Variants in CPNE5 observed in about 807,000 individuals in gnomAD.
The protein encoded by CPNE5 is copine-5.
In CPNE5, 42 loss-of-function variants were observed where a neutral mutation model predicts 81.1. The observed-to-expected ratio is 0.52, with a 90% CI of 0.40 to 0.67. The LOEUF is 0.67. Ranked by LOEUF, CPNE5 falls within the 30% of genes least tolerant of loss-of-function variation. The pLI is 0.00. For synonymous variants in CPNE5, 313 were observed against 321.5 expected, an observed-to-expected ratio of 0.97 and a Z score of 0.28; for missense variants, 612 against 815.5, an observed-to-expected ratio of 0.75 and a Z score of 3.04.
chr6:36,809,135 A>G (rs1421108666), intron 3 of CPNE5, among the ~76,000 whole-genome samples: 1 of 152,024 alleles, frequency 6.6e-6, no homozygotes, highest in African/African-American at 2.4e-5. Flanking sequence ...TCAGGTCATA[A>G]TGTGAGTGTC....
At chr6:36,772,630 G>T (rs1264456971) in intron 10 of CPNE5, among the ~76,000 whole-genome samples, 1 of 152,216 alleles carries the variant, frequency 6.6e-6, no homozygotes, top group Non-Finnish European at 1.5e-5. Context: ...GGCACTCAGT[G>T]ACCACCTGTG....
chr6:36,787,891 G>A (rs9380602), intron 8 of CPNE5, among the ~76,000 whole-genome samples: 39,057 of 151,904 alleles, frequency 0.26, 7,249 homozygotes, highest in African/African-American at 0.5. Context: ...TGGTAAAGAC[G>A]TACTATCCTG....
intron 1 of CPNE5, among the ~76,000 whole-genome samples, chr6:36,830,623 C>G (rs148902665): frequency 2.0e-5 from 3 of 152,128 alleles, no homozygotes; most frequent in African/African-American, 7.2e-5. Flanking sequence ...AATAATTGTC[C>G]CTCTCACACT....
intron 3 of CPNE5, among the ~76,000 whole-genome samples, chr6:36,815,972 C>T (rs1771513899): frequency 6.6e-6 from 1 of 152,198 alleles, no homozygotes; most frequent in Non-Finnish European, 1.5e-5. Context: ...GATCTCCATA[C>T]CCACTTTTCA....
Position 36,753,101 on chromosome 6 carries a change from A to T in CPNE5, c.910-6T>A. ...GCAAAGGAAAGCAGGGTGACCTTCA[A>T]AACAAAAGGGAGCTTGGTCAGTGGG... On this transcript the variant is annotated splice_region_variant and splice_polypyrimidine_tract_variant and intron_variant, in intron 13 of 20. Transcript: ENST00000244751. The T allele has an allele frequency of 6.2e-7, 1 of 1,612,272 alleles. No homozygotes were observed. Among genetic ancestry groups the T allele is most frequent in the Non-Finnish European group, 8.5e-7 (1 of 1,178,610 alleles).
At chr6:36,799,080 C>T (rs566232041) in intron 4 of CPNE5, among the ~76,000 whole-genome samples, 14 of 152,266 alleles carry the variant, frequency 9.2e-5, no homozygotes, top group Non-Finnish European at 1.6e-4. Flanking sequence ...GGCCTGCTCA[C>T]CGGGGGCCTG....
At position 36,803,745 on chromosome 6, in the gene CPNE5, G is replaced by A. The variant is rs920896540; in HGVS notation, c.184-3675C>T. ...GGCTTTGATAATAAATATTTGTCACGCTAATTTTAAACTTGTATGGCAGTC... is the reference window on the plus strand; with the variant it reads ...GGCTTTGATAATAAATATTTGTCACACTAATTTTAAACTTGTATGGCAGTC... On this transcript the variant is annotated intron_variant, in intron 3 of 20. Transcript: ENST00000244751. 3.3e-5 allele frequency among the ~76,000 whole-genome samples: 5 copies of A among 152,076 alleles called. No individual in the cohort carries two copies. The East Asian group carries it at 7.7e-4, about 23-fold the overall frequency.
At chr6:36,759,598 A>T (rs530988917) in intron 12 of CPNE5, among the ~76,000 whole-genome samples, 29 of 152,130 alleles carry the variant, frequency 1.9e-4, no homozygotes, top group African/African-American at 6.8e-4. Context: ...AACAGAAAAT[A>T]GCCAGAAGGA....
At chr6:36,779,807 T>C (rs1386479277) in intron 8 of CPNE5, among the ~76,000 whole-genome samples, 3 of 152,202 alleles carry the variant, frequency 2.0e-5, no homozygotes, top group Non-Finnish European at 4.4e-5. Flanking sequence ...GAGATGTCCC[T>C]GTTGTCCCCT....
chr6:36,744,765 C>A (rs146825606), intron 18 of CPNE5, among the ~76,000 whole-genome samples: 3 of 152,144 alleles, frequency 2.0e-5, no homozygotes, highest in Admixed American at 2.0e-4. Flanking sequence ...TAGACCAGAG[C>A]GTGACTAAGA....
intron 1 of CPNE5, among the ~76,000 whole-genome samples, chr6:36,829,002 C>A (rs974022230): frequency 6.6e-6 from 1 of 152,168 alleles, no homozygotes; most frequent in Admixed American, 6.5e-5. Flanking sequence ...AATGCAGTGC[C>A]TGGCATACAA....
At position 36,838,052 on chromosome 6, in the gene CPNE5, G is replaced by A. The variant is rs187628883; in HGVS notation, c.95+1231C>T. Among the ~76,000 whole-genome samples the A allele has an allele frequency of 2.3e-3, 347 of 152,234 alleles. 1 individual carries two copies. Among genetic ancestry groups the A allele is most frequent in the African/African-American group, 4.4e-3 (181 of 41,524 alleles). On this transcript the variant is annotated intron_variant, in intron 1 of 20. Transcript: ENST00000244751. Reference sequence around the variant, plus strand: ...GGGCCTGGCTTAGGGGGGAAGCTACGTTCAACCAGACTAGCCTTCACTGCC... The same window carrying A: ...GGGCCTGGCTTAGGGGGGAAGCTACATTCAACCAGACTAGCCTTCACTGCC...
chr6:36,822,862 C>A (rs536904828), intron 2 of CPNE5, among the ~76,000 whole-genome samples, 196 bp downstream of exon 2: 1 of 152,070 alleles, frequency 6.6e-6, no homozygotes, highest in Non-Finnish European at 1.5e-5. Flanking sequence ...GCTTCACAAG[C>A]GTGCAGGCTG....
intron 1 of CPNE5, among the ~76,000 whole-genome samples, chr6:36,835,117 C>T (rs143687690): frequency 2.8e-3 from 426 of 152,352 alleles, no homozygotes; most frequent in Non-Finnish European, 3.0e-3. Flanking sequence ...TCCAGACTCG[C>T]CCCGCCGCGT....
intron 7 of CPNE5, among the ~76,000 whole-genome samples, chr6:36,793,534 CCTT>C (rs1362241647): frequency 1.3e-5 from 2 of 152,158 alleles, no homozygotes; most frequent in Admixed American, 6.5e-5. Flanking sequence ...GCCTCTGAGT[CCTT>C]CTTCTATTTC....
intron 10 of CPNE5, among the ~76,000 whole-genome samples, chr6:36,765,882 G>A (rs898219346): frequency 7.2e-5 from 11 of 152,194 alleles, no homozygotes; most frequent in Admixed American, 1.3e-4. Flanking sequence ...GGGATGGCCC[G>A]CTGAGCTTTT....
chr6:36,824,011 G>T (rs1473660628), intron 1 of CPNE5, among the ~76,000 whole-genome samples: 1 of 152,192 alleles, frequency 6.6e-6, no homozygotes, highest in African/African-American at 2.4e-5. Context: ...GCAGTCTCTG[G>T]CTGGGAAGTC....
chr6:36,756,347 G>C (rs1295515056), intron 12 of CPNE5, 49 bp from the exon 13 acceptor site: 1 of 1,561,708 alleles, frequency 6.4e-7, no homozygotes, highest in African/African-American at 1.4e-5. Flanking sequence ...AGGCAGTCAG[G>C]GTGAGTCTTG....
At chr6:36,811,042 A>C (rs929235480) in intron 3 of CPNE5, among the ~76,000 whole-genome samples, 4 of 152,212 alleles carry the variant, frequency 2.6e-5, no homozygotes, top group African/African-American at 9.7e-5. Context: ...CTAATTAGCC[A>C]TTGTTTCAGA....
Sources: allele counts gnomAD v4.1 joint callset (sites outside exome capture counted in the v4.1 genomes callset), GRCh38; gene constraint gnomAD v4.1.1; transcripts MANE v1.5; gene names NCBI Gene and HGNC (gene_info 2026-07-23, HGNC 2026-07-21).